PTN: variants seen among roughly 807,000 people sequenced by gnomAD.
The protein encoded by PTN is heparin affin regulatory protein.
In PTN, 18 loss-of-function variants were observed where a neutral mutation model predicts 24.1. That is an observed-to-expected ratio of 0.75 (90% CI 0.52 to 1.11). The LOEUF is 1.11. Among genes scored for constraint, PTN ranks in the 50% least tolerant of loss-of-function variants. The pLI, the probability that PTN is intolerant of heterozygous loss-of-function variation, is 0.00. For synonymous variants in PTN, 78 were observed against 68.6 expected (o/e 1.14, Z -0.67); for missense variants, 163 against 198.8 (o/e 0.82, Z 1.08).
intron 4 of PTN, chr7:137,236,333 G>T: frequency 1.4e-6 from 1 of 694,888 alleles, no homozygotes; most frequent in Non-Finnish European, 2.6e-6. Flanking sequence ...AGTCAGGGGT[G>T]GGGGAATCAG....
intron 1 of PTN, chr7:137,326,975 A>G (rs1489170198): frequency 6.7e-6 from 1 of 149,036 alleles, no homozygotes; most frequent in Non-Finnish European, 1.5e-5. Context: ...GAATGACTAT[A>G]AAAGGAAACC....
At chr7:137,232,469 A>T (rs1239331414) in intron 4 of PTN, among the ~76,000 whole-genome samples, 1 of 151,956 alleles carries the variant, frequency 6.6e-6, no homozygotes, top group Non-Finnish European at 1.5e-5. Flanking sequence ...GTTTTTAAAT[A>T]CAAATACATT....
intron 1 of PTN, among the ~76,000 whole-genome samples, chr7:137,275,996 T>C (rs1809353404): frequency 6.6e-6 from 1 of 152,216 alleles, no homozygotes; most frequent in South Asian, 2.1e-4. Context: ...GGTTTTCAAA[T>C]TCACTGCCAT....
chr7:137,276,283 C>A (rs1325800541), intron 1 of PTN, among the ~76,000 whole-genome samples: 1 of 152,130 alleles, frequency 6.6e-6, no homozygotes, highest in Non-Finnish European at 1.5e-5. Flanking sequence ...CAAGGCAAGT[C>A]CCTGAATGAC....
At chr7:137,282,889 T>A (rs762332910) in intron 1 of PTN, among the ~76,000 whole-genome samples, 1 of 152,194 alleles carries the variant, frequency 6.6e-6, no homozygotes, top group South Asian at 2.1e-4. Context: ...TGGAGACATA[T>A]GTATCTCCCA....
chr7:137,282,257 A>C (rs528578419), intron 1 of PTN, among the ~76,000 whole-genome samples: 1 of 152,258 alleles, frequency 6.6e-6, no homozygotes, highest in Non-Finnish European at 1.5e-5. Context: ...GTATTCTTAC[A>C]AAAGTATGAG....
intron 1 of PTN, among the ~76,000 whole-genome samples, chr7:137,307,741 T>G (rs2128879400): frequency 6.6e-6 from 1 of 152,246 alleles, no homozygotes; most frequent in South Asian, 2.1e-4. Flanking sequence ...GATAGTGTGC[T>G]TTAACAAACA....
chr7:137,329,811 A>G (rs549085938), intron 1 of PTN, among the ~76,000 whole-genome samples: 2 of 152,176 alleles, frequency 1.3e-5, no homozygotes, highest in Non-Finnish European at 2.9e-5. Context: ...TCCATACTCA[A>G]TGCATATTCA....
intron 1 of PTN, among the ~76,000 whole-genome samples, chr7:137,304,439 G>A (rs1471330217): frequency 6.6e-5 from 10 of 151,510 alleles, no homozygotes; most frequent in Admixed American, 1.3e-4. Context: ...AGACCACCCC[G>A]CTCCCCCTCC....
chr7:137,271,981 A>G (rs1809282946), intron 1 of PTN, among the ~76,000 whole-genome samples: 3 of 152,216 alleles, frequency 2.0e-5, no homozygotes, highest in African/African-American at 7.2e-5. Context: ...AGCTTTTCTA[A>G]CTTCAATTGC....
chr7:137,303,018 T>G (rs1719283921), intron 1 of PTN, among the ~76,000 whole-genome samples: 1 of 152,008 alleles, frequency 6.6e-6, no homozygotes, highest in Non-Finnish European at 1.5e-5. Context: ...AATAAGGCAC[T>G]GTTTCTATTG....
intron 1 of PTN, among the ~76,000 whole-genome samples, chr7:137,281,269 A>C (rs1234379951): frequency 6.6e-6 from 1 of 152,128 alleles, no homozygotes; most frequent in Non-Finnish European, 1.5e-5. Flanking sequence ...AAAAAAACGT[A>C]GAAATAGAAT....
intron 1 of PTN, among the ~76,000 whole-genome samples, chr7:137,324,433 A>AAAAAAAAAAAAAATATATATAT: frequency 1.1e-5 from 1 of 88,802 alleles, no homozygotes; most frequent in African/African-American, 6.9e-5. Flanking sequence ...AAAAAAAAAA[A>AAAAAAAAAAAAAATATATATAT]ATATATATAT....
At chr7:137,333,637 C>A (rs112964315) in intron 1 of PTN, among the ~76,000 whole-genome samples, 3 of 152,204 alleles carry the variant, frequency 2.0e-5, no homozygotes, top group African/African-American at 7.2e-5. Context: ...AAATATATTA[C>A]ATATATCTTT....
chr7:137,253,857 C>G (rs1233456200), intron 2 of PTN, among the ~76,000 whole-genome samples: 1 of 152,140 alleles, frequency 6.6e-6, no homozygotes, highest in Non-Finnish European at 1.5e-5. Flanking sequence ...AGAGCTAAAA[C>G]TAATATTAAT....
chr7:137,242,587 T>C (rs1434634217), intron 4 of PTN, among the ~76,000 whole-genome samples: 1 of 152,210 alleles, frequency 6.6e-6, no homozygotes, highest in Non-Finnish European at 1.5e-5. Context: ...ATGCATCTGA[T>C]TTAAAAAGTA....
intron 1 of PTN, among the ~76,000 whole-genome samples, chr7:137,281,396 A>C (rs1809471849): frequency 6.6e-6 from 1 of 152,212 alleles, no homozygotes; most frequent in Non-Finnish European, 1.5e-5. Flanking sequence ...CAAGGAACAA[A>C]ACCAGCTACT....
At chr7:137,254,590 G>A (rs954367398) in intron 2 of PTN, among the ~76,000 whole-genome samples, 4 of 151,544 alleles carry the variant, frequency 2.6e-5, no homozygotes, top group Non-Finnish European at 4.4e-5. Context: ...CCTGATTACC[G>A]GTCAATGTTC....
chr7:137,333,208 G>C (rs1810389302), intron 1 of PTN, among the ~76,000 whole-genome samples: 1 of 152,118 alleles, frequency 6.6e-6, no homozygotes, highest in Non-Finnish European at 1.5e-5. Flanking sequence ...TGTGATGCCT[G>C]CTCCCTTTCA....
Sources: gnomAD v4.1 joint callset for allele counts (sites outside exome capture counted in the v4.1 genomes callset) on GRCh38, gnomAD v4.1.1 for gene constraint, MANE v1.5 for transcripts, NCBI Gene and HGNC (gene_info 2026-07-23, HGNC 2026-07-21) for gene names.